ARHGAP32: variants seen among roughly 807,000 people sequenced by gnomAD.
ARHGAP32 encodes rho GTPase-activating protein 32.
Under a neutral mutation model 186.5 loss-of-function variants are expected in ARHGAP32, and 51 were observed. That is an observed-to-expected ratio of 0.27 (90% CI 0.22 to 0.35). The LOEUF (loss-of-function observed/expected upper bound fraction) is 0.35, where lower values mean the gene tolerates loss of function less well. Ranked by LOEUF, ARHGAP32 falls within the 10% of genes least tolerant of loss-of-function variation. The pLI is 1.00. For missense variants in ARHGAP32, 2,186 were observed against 2,623.5 expected, an observed-to-expected ratio of 0.83 and a Z score of 3.64; for synonymous variants, 950 against 964.3, an observed-to-expected ratio of 0.99 and a Z score of 0.27.
At chr11:129,271,771 T>G (rs1252245102) in intron 1 of ARHGAP32, among the ~76,000 whole-genome samples, 1 of 152,172 alleles carries the variant, frequency 6.6e-6, no homozygotes, top group Non-Finnish European at 1.5e-5. Flanking sequence ...ACTAGTAAAG[T>G]TGGCCACTGT....
At chr11:129,184,201 G>A (rs1944110122) in intron 1 of ARHGAP32, among the ~76,000 whole-genome samples, 1 of 152,080 alleles carries the variant, frequency 6.6e-6, no homozygotes, top group African/African-American at 2.4e-5. Context: ...AGAAGGACTA[G>A]GGCTCCTAAT....
At chr11:129,051,673 T>C (rs1461996253) in intron 10 of ARHGAP32, among the ~76,000 whole-genome samples, 3 of 152,142 alleles carry the variant, frequency 2.0e-5, no homozygotes, top group African/African-American at 4.8e-5. Flanking sequence ...TTTAGGTATA[T>C]TGGCTGGGCG....
At chr11:129,208,806 T>G (rs1032667235) in intron 1 of ARHGAP32, among the ~76,000 whole-genome samples, 1 of 152,032 alleles carries the variant, frequency 6.6e-6, no homozygotes, top group African/African-American at 2.4e-5. Flanking sequence ...TCAAAGCAAT[T>G]TGACATACTG....
intron 1 of ARHGAP32, among the ~76,000 whole-genome samples, chr11:129,179,267 T>C (rs1943994281): frequency 6.6e-6 from 1 of 152,156 alleles, no homozygotes; most frequent in South Asian, 2.1e-4. Flanking sequence ...CCAGTTAGAA[T>C]GGCAATCATT....
In ARHGAP32 at chr11:129,090,213, A is replaced by G. The variant is rs75838745; in HGVS notation, c.531+3408T>C. Among the ~76,000 whole-genome samples, 509 of 152,316 alleles carry G rather than the reference A, an allele frequency of 3.3e-3. 5 individuals are homozygous for G. Among genetic ancestry groups the G allele is most frequent in the African/African-American group, 0.012 (481 of 41,564 alleles). On this transcript the variant is annotated intron_variant, in intron 6 of 22. Coordinates refer to ENST00000682385, the MANE Select transcript of ARHGAP32 (RefSeq NM_001378024.1). ...TACTCCCACTCCTGTAGTTAACAGC[A>G]TTTTCTAATGCCCTGAATGGAAAAG... is the stretch of plus-strand genomic sequence containing the variant.
chr11:129,234,549 A>G (rs1324998732), intron 1 of ARHGAP32, among the ~76,000 whole-genome samples: 1 of 152,196 alleles, frequency 6.6e-6, no homozygotes, highest in African/African-American at 2.4e-5. Context: ...AAGTTAAAAT[A>G]TATCAATATA....
At chr11:129,188,887 G>A (rs1349185369) in intron 1 of ARHGAP32, among the ~76,000 whole-genome samples, 1 of 152,122 alleles carries the variant, frequency 6.6e-6, no homozygotes, top group Non-Finnish European at 1.5e-5. Flanking sequence ...CAAATTATAT[G>A]TCATATTTGC....
At chr11:129,086,014 A>AAC (rs1454065253) in intron 6 of ARHGAP32, among the ~76,000 whole-genome samples, 4 of 138,492 alleles carry the variant, frequency 2.9e-5, no homozygotes, top group African/African-American at 1.1e-4. Flanking sequence ...ACAAACAAAC[A>AAC]AACAAAAAAA....
At chr11:129,241,078 T>A (rs1293589912) in intron 1 of ARHGAP32, among the ~76,000 whole-genome samples, 2 of 152,156 alleles carry the variant, frequency 1.3e-5, no homozygotes, top group East Asian at 3.9e-4. Flanking sequence ...ACACTTCATT[T>A]TTTCACTCAT....
chr11:128,993,032 G>A (rs567529342), intron 12 of ARHGAP32, among the ~76,000 whole-genome samples: 2 of 152,166 alleles, frequency 1.3e-5, no homozygotes, highest in East Asian at 1.9e-4. Context: ...AGAATAAAAA[G>A]ACAACTGCCT....
chr11:129,161,903 C>A (rs1445733849), intron 2 of ARHGAP32, among the ~76,000 whole-genome samples: 1 of 152,126 alleles, frequency 6.6e-6, no homozygotes, highest in Non-Finnish European at 1.5e-5. Flanking sequence ...ACCCAAATGC[C>A]CATCAATGAT....
intron 5 of ARHGAP32, among the ~76,000 whole-genome samples, chr11:129,118,109 C>G (rs1405277512): frequency 1.3e-5 from 2 of 151,908 alleles, no homozygotes; most frequent in Non-Finnish European, 2.9e-5. Flanking sequence ...CTACTATTCA[C>G]AGGAAAATAT....
In ARHGAP32 at chr11:128,969,649, T is replaced by C. The variant is rs753407271; in HGVS notation, c.5564A>G (p.His1855Arg). The C allele has an allele frequency of 6.2e-7, 1 of 1,614,130 alleles. No individual in the cohort carries two copies. Reference protein sequence around the residue: ...HPEAEMDRAHHHGGHGSTQPE... With the variant: ...HPEAEMDRAHRHGGHGSTQPE... ...CTGCGTGCTACCATGGCCTCCGTGATGGTGGGCTCTGTCCATCTCTGCCTC... is the reference window on the plus strand; with the variant it reads ...CTGCGTGCTACCATGGCCTCCGTGACGGTGGGCTCTGTCCATCTCTGCCTC... The change falls in exon 23 of 23, where the codon CAT (histidine) becomes CGT (arginine). Residue 1855 changes from histidine to arginine, a missense_variant. By Grantham distance (29) the His-to-Arg change is conservative. This residue lies in a region of ARHGAP32 where 1,502 missense variants were observed against 1,570.0 expected (regional missense o/e 0.96). Transcript: ENST00000682385. This position sits in a 1 kb window ranked among gnomAD's most constrained non-coding sequence, Gnocchi z 4.8.
intron 9 of ARHGAP32, among the ~76,000 whole-genome samples, 161 bp downstream of exon 9, chr11:129,063,741 A>T (rs966457359): frequency 1.3e-5 from 2 of 152,150 alleles, no homozygotes; most frequent in Non-Finnish European, 2.9e-5. Context: ...ACTGTCACTT[A>T]AACAAAAATA....
chr11:129,221,485 G>C (rs1944709607), intron 1 of ARHGAP32, among the ~76,000 whole-genome samples: 1 of 35,576 alleles, frequency 2.8e-5, no homozygotes. Context: ...ATTACTGTGT[G>C]TGTGTGTGTG....
intron 6 of ARHGAP32, among the ~76,000 whole-genome samples, chr11:129,086,590 G>A (rs187454583): frequency 3.0e-4 from 45 of 152,298 alleles, no homozygotes; most frequent in African/African-American, 1.0e-3. Flanking sequence ...GGGAGGCCAA[G>A]GCGGGCGGAT....
intron 1 of ARHGAP32, among the ~76,000 whole-genome samples, chr11:129,172,274 T>C (rs1282705921): frequency 2.0e-5 from 3 of 152,206 alleles, no homozygotes; most frequent in African/African-American, 7.2e-5. Context: ...TTTCCATCTT[T>C]TCTCCATTCA....
In ARHGAP32 at chr11:129,116,726, C is replaced by G. The variant is rs183354380; in HGVS notation, c.444+6720G>C. On this transcript the variant is annotated intron_variant, in intron 5 of 22. Coordinates refer to ENST00000682385, the MANE Select transcript of ARHGAP32 (RefSeq NM_001378024.1). ...ATTTTTATTAATGATGAAGGCTTAA[C>G]TGATAGGAAGTACTCAGGTGAAGTC... Among the ~76,000 whole-genome samples the G allele has an allele frequency of 1.5e-3, 233 of 152,070 alleles. 4 individuals carry two copies. Among genetic ancestry groups the G allele is most frequent in the Admixed American group, 0.015 (229 of 15,254 alleles).
At chr11:129,241,677 TA>T (rs1945019895) in intron 1 of ARHGAP32, among the ~76,000 whole-genome samples, 1 of 152,088 alleles carries the variant, frequency 6.6e-6, no homozygotes, top group Non-Finnish European at 1.5e-5. Flanking sequence ...GGTAAGTAGA[TA>T]CTCTACTGGA....
Sources: gnomAD v4.1 joint callset for allele counts (sites outside exome capture counted in the v4.1 genomes callset) on GRCh38, gnomAD v4.1.1 for gene constraint, gnomAD v4.1.1 regional missense constraint, Gnocchi (gnomAD v3.1) non-coding constraint, MANE v1.5 for transcripts, NCBI Gene and HGNC (gene_info 2026-07-23, HGNC 2026-07-21) for gene names.